Variants in COPS7A observed in about 807,000 individuals in gnomAD.
The protein encoded by COPS7A is COP9 signalosome subunit 7A.
Under a neutral mutation model 35.2 loss-of-function variants are expected in COPS7A, and 20 were observed. The ratio of observed to expected loss-of-function variants is 0.57; its 90% CI spans 0.40 to 0.83. COPS7A has a LOEUF of 0.83. Ranked by LOEUF, COPS7A falls within the 40% of genes least tolerant of loss-of-function variation. COPS7A has a pLI of 0.00. For synonymous variants in COPS7A, 139 were observed against 141.4 expected (o/e 0.98, Z 0.12); for missense variants, 247 against 347.5 (o/e 0.71, Z 2.30).
In COPS7A at chr12:6,729,675, G is replaced by T. The variant is rs1390734288; in HGVS notation, c.530+226G>T. On this transcript the variant is annotated intron_variant, in intron 5 of 7. Coordinates refer to ENST00000543155, the MANE Select transcript of COPS7A (RefSeq NM_001164094.2). This position sits in a 1 kb window ranked among gnomAD's most constrained non-coding sequence, Gnocchi z 4.2. ...GATATAGTAGTTGGGGGAGGAAAAG[G>T]GAGTGGTATACTTAAGGGGATCCTA... 6.6e-6 allele frequency among the ~76,000 whole-genome samples: 1 copy of T among 152,158 alleles called. No homozygotes were observed. The highest frequency in any genetic ancestry group is 1.5e-5 in the Non-Finnish European group (1 of 68,034).
chr12:6,730,355 G>C (rs1277248339), intron 5 of COPS7A, 47 bp from the exon 6 acceptor site: 2 of 1,575,788 alleles, frequency 1.3e-6, no homozygotes, highest in African/African-American at 2.7e-5. Context: ...GTGAGTCTGT[G>C]ATCGCAGCCC....
intron 2 of COPS7A, among the ~76,000 whole-genome samples, chr12:6,726,821 G>T (rs1941269607): frequency 6.6e-6 from 1 of 152,092 alleles, no homozygotes; most frequent in Admixed American, 6.6e-5. Flanking sequence ...TATGGTCTGG[G>T]AATACAAGAA....
chr12:6,724,468 T>G (rs1941198569), intron 1 of COPS7A, 146 bp from the exon 2 acceptor site: 1 of 712,072 alleles, frequency 1.4e-6, no homozygotes, highest in African/African-American at 1.7e-5. Flanking sequence ...ACTTTAGGAT[T>G]CCTAGATCAG....
rs886941788 is a variant in COPS7A, at chr12:6,731,381, A to G, written c.*342A>G. ...TGATGGGGGTCGCTCTGTCTGGAGC[A>G]TAACCCACAGGCGTTTTTTCTGCCA... is the stretch of plus-strand genomic sequence containing the variant. On this transcript the variant is annotated 3_prime_UTR_variant, in exon 8 of 8. Transcript: ENST00000543155. The G allele has an allele frequency of 7.7e-7, 1 of 1,305,018 alleles. No homozygotes were observed. The highest frequency in any genetic ancestry group is 2.2e-5 in the South Asian group (1 of 45,836). The allele number at this position is 1,305,018 out of a possible 1,614,324, so 80.8% of individuals were successfully genotyped here. A position where few individuals can be genotyped will look rare whatever the true frequency, so the allele number is the denominator to read the frequency against.
chr12:6,724,299 C>A (rs1459625605), intron 1 of COPS7A, 120 bp downstream of exon 1: 12 of 407,090 alleles, frequency 2.9e-5, no homozygotes, highest in Non-Finnish European at 5.8e-5. Flanking sequence ...GCGTGCGGGG[C>A]AGCAATGGAG....
At chr12:6,727,603 A>G in intron 2 of COPS7A, 1 of 499,008 alleles carries the variant, frequency 2.0e-6, no homozygotes, top group Admixed American at 2.3e-5. Flanking sequence ...CAGGCAACAC[A>G]ATTTGCAGTG....
chr12:6,730,374 T>A, intron 5 of COPS7A, 28 bp from the exon 6 acceptor site: 1 of 1,608,276 alleles, frequency 6.2e-7, no homozygotes, highest in Non-Finnish European at 8.5e-7. Context: ...CCTTGTCTGC[T>A]GACACTTCTC....
intron 6 of COPS7A, 56 bp from the exon 7 acceptor site, chr12:6,730,612 AG>A (rs1941367315): frequency 1.2e-6 from 2 of 1,611,130 alleles, no homozygotes; most frequent in East Asian, 2.2e-5. Flanking sequence ...CCAGATGAGC[AG>A]GGGCTGGAAG....
At chr12:6,724,389 G>A (rs994108486) in intron 1 of COPS7A, 1 of 553,638 alleles carries the variant, frequency 1.8e-6, no homozygotes, top group Admixed American at 2.5e-5. Context: ...GTTCAATGGG[G>A]TGCACGTGAT....
At chr12:6,727,397 T>A (rs1046467999) in intron 2 of COPS7A, among the ~76,000 whole-genome samples, 3 of 149,150 alleles carry the variant, frequency 2.0e-5, no homozygotes, top group African/African-American at 7.4e-5. Context: ...AGAGGAAATC[T>A]GGGTGGACTG....
chr12:6,730,259 C>A, intron 5 of COPS7A, 143 bp from the exon 6 acceptor site: 1 of 687,714 alleles, frequency 1.5e-6, no homozygotes, highest in Middle Eastern at 3.7e-4. Context: ...TTAAGCAATT[C>A]GCCCATCTTG....
intron 2 of COPS7A, among the ~76,000 whole-genome samples, chr12:6,726,370 G>A (rs11064334): frequency 0.099 from 15,053 of 151,664 alleles, 916 homozygotes; most frequent in African/African-American, 0.16. Flanking sequence ...TTGGGAGGCC[G>A]AGGTGGGTGG....
At chr12:6,725,918 C>T (rs975219720) in intron 2 of COPS7A, 13 of 455,574 alleles carry the variant, frequency 2.9e-5, no homozygotes, top group African/African-American at 1.8e-4. Flanking sequence ...TGGCTGGGTG[C>T]GGTGGCTCAT....
chr12:6,724,907 A>AT (rs1021365934), intron 2 of COPS7A, 89 bp downstream of exon 2: 2 of 1,381,450 alleles, frequency 1.4e-6, no homozygotes, highest in African/African-American at 1.4e-5. Flanking sequence ...TTGTGATCCA[A>AT]TAACCATTCA....
At position 6,724,695 on chromosome 12, in the gene COPS7A, G is replaced by A; in HGVS notation, c.39G>A (p.Glu13=). 6.2e-7 allele frequency: 1 copy of A among 1,614,148 alleles called. No individual in the cohort carries two copies. Among genetic ancestry groups the A allele is most frequent in the Non-Finnish European group, 8.5e-7 (1 of 1,180,024 alleles). Residue 13 remains glutamate, a synonymous_variant, in exon 2 of 8, where the codon GAG becomes GAA. Transcript: ENST00000543155. ...AEVKVTGQNQ[E]QFLLLAKSAK... ...TGAAGGTGACAGGGCAGAACCAGGA[G>A]CAATTTCTGCTCCTAGCCAAGTCGG...
chr12:6,727,897 C>G lies in COPS7A; in HGVS notation c.163-29C>G, dbSNP rs117732091. On this transcript the variant is annotated intron_variant, in intron 2 of 7. Transcript: ENST00000543155. ...GGGAGGGTGGAGAGGGAAGACTTCC[C>G]GTCACCTCCTTTTTCCTCATTCTCG... The G allele has an allele frequency of 2.5e-3, 3,981 of 1,611,026 alleles. 10 individuals are homozygous for G. The highest frequency in any genetic ancestry group is 2.7e-3 in the Non-Finnish European group (3,138 of 1,177,256).
intron 2 of COPS7A, among the ~76,000 whole-genome samples, chr12:6,726,464 C>T (rs1487414384): frequency 4.0e-5 from 6 of 150,056 alleles, no homozygotes; most frequent in Admixed American, 4.0e-4. Context: ...TAGCCGGGCG[C>T]GGTGGCAGGC....
Position 6,730,486 on chromosome 12 carries a change from G to A in COPS7A, c.615G>A (p.Leu205=), listed in dbSNP as rs754048499. ...ANQHKEQQLG[L]KQQIESEVAN... is the part of the protein sequence containing the mutation. Reference sequence around the variant, plus strand: ...AACACAAGGAGCAGCAGCTGGGCCTGAAGCAGCAGATTGAGAGTGAGGTGA... The same window carrying A: ...AACACAAGGAGCAGCAGCTGGGCCTAAAGCAGCAGATTGAGAGTGAGGTGA... The change falls in exon 6 of 8, where the codon CTG becomes CTA. Residue 205 remains leucine, a synonymous_variant. Coordinates refer to ENST00000543155, the MANE Select transcript of COPS7A (RefSeq NM_001164094.2). The A allele has an allele frequency of 6.2e-7, 1 of 1,614,052 alleles. No individual in the cohort carries two copies. The highest frequency in any genetic ancestry group is 8.5e-7 in the Non-Finnish European group (1 of 1,180,048).
At chr12:6,725,231 A>T (rs761924689) in intron 2 of COPS7A, among the ~76,000 whole-genome samples, 8 of 148,344 alleles carry the variant, frequency 5.4e-5, no homozygotes, top group Non-Finnish European at 1.2e-4. Flanking sequence ...ATCTCAGCTG[A>T]GTGCAAGCTC....
Sources: allele counts gnomAD v4.1 joint callset (sites outside exome capture counted in the v4.1 genomes callset), GRCh38; gene constraint gnomAD v4.1.1; non-coding constraint Gnocchi (gnomAD v3.1); transcripts MANE v1.5; gene names NCBI Gene and HGNC (gene_info 2026-07-23, HGNC 2026-07-21).